The following ZFP14 variants were observed in gnomAD, a reference collection of about 807,000 sequenced individuals.
ZFP14 encodes zinc finger protein 14 homolog.
ZFP14 carries 22 observed loss-of-function variants against 54.5 expected under a neutral mutation model. The observed-to-expected ratio is 0.40, with a 90% CI of 0.29 to 0.58. The LOEUF (loss-of-function observed/expected upper bound fraction) is 0.58. Ranked by LOEUF, ZFP14 falls within the 20% of genes least tolerant of loss-of-function variation. The probability of loss-of-function intolerance (pLI) is 0.39; values close to 1 mark genes in which losing one functional copy is unlikely to be tolerated. For missense variants in ZFP14, 470 were observed against 637.8 expected (o/e 0.74, Z 2.83); for synonymous variants, 159 against 204.0 (o/e 0.78, Z 1.88).
intron 1 of ZFP14, among the ~76,000 whole-genome samples, chr19:36,373,133 C>T (rs565784250): frequency 6.6e-6 from 1 of 151,850 alleles, no homozygotes. Flanking sequence ...CAAAATTAGC[C>T]GGGCATGGTA....
intron 4 of ZFP14, among the ~76,000 whole-genome samples, chr19:36,343,305 A>G (rs775146513): frequency 2.0e-5 from 3 of 152,188 alleles, no homozygotes; most frequent in Non-Finnish European, 2.9e-5. Flanking sequence ...ATACCTGAGC[A>G]TAAATAATAA....
chr19:36,348,890 T>A (rs1317458457), intron 4 of ZFP14, among the ~76,000 whole-genome samples: 1 of 152,098 alleles, frequency 6.6e-6, no homozygotes, highest in Admixed American at 6.6e-5. Context: ...GTATTTTTTT[T>A]ATCAATGCTC....
intron 1 of ZFP14, among the ~76,000 whole-genome samples, chr19:36,377,602 CAGG>C (rs1299133429): frequency 6.6e-6 from 1 of 150,888 alleles, no homozygotes; most frequent in African/African-American, 2.4e-5. Context: ...AGCTTCTCTT[CAGG>C]AGGTTTACTT....
In ZFP14 at chr19:36,340,178, T is replaced by A. The variant is rs767035104; in HGVS notation, c.*46A>T. 8 of 1,478,650 alleles carry A rather than the reference T, an allele frequency of 5.4e-6. No homozygotes were observed. The African/African-American group carries it at 1.1e-4, about 21-fold the overall frequency. The allele number at this position is 1,478,650 out of a possible 1,614,324, so 91.6% of individuals were successfully genotyped here. ...GAAACACATTTTCTCAAAAATGAATTTTCTGATGTTCTGTAACATCATATA... is the reference window on the plus strand; with the variant it reads ...GAAACACATTTTCTCAAAAATGAATATTCTGATGTTCTGTAACATCATATA... On this transcript the variant is annotated 3_prime_UTR_variant, in exon 5 of 5. Coordinates refer to ENST00000270001, the MANE Select transcript of ZFP14 (RefSeq NM_020917.3). This position sits in a 1 kb window ranked among gnomAD's most constrained non-coding sequence, Gnocchi z 5.4.
At chr19:36,347,104 G>C (rs1271730926) in intron 4 of ZFP14, among the ~76,000 whole-genome samples, 4 of 152,144 alleles carry the variant, frequency 2.6e-5, no homozygotes, top group East Asian at 1.9e-4. Context: ...GCTGTGCTGA[G>C]AGCAATCAAA....
rs569998064 is a variant in ZFP14 at position 36,372,099 on chromosome 19, G to A, written c.-79-4128C>T. On this transcript the variant is annotated intron_variant, in intron 1 of 4. Coordinates refer to ENST00000270001, the MANE Select transcript of ZFP14 (RefSeq NM_020917.3). The stretch of plus-strand genomic sequence containing the variant: ...AGGGAGGGAGGTAGGGAGGAAAGGA[G>A]GAAGGAAGGAAGGAAGAAAGGAAGG... Among the ~76,000 whole-genome samples the A allele has an allele frequency of 3.3e-5, 5 of 149,674 alleles. No individual in the cohort carries two copies. In the South Asian group the frequency reaches 1.1e-3, roughly 32 times the overall value.
intron 4 of ZFP14, among the ~76,000 whole-genome samples, chr19:36,359,229 C>G (rs1437815370): frequency 6.6e-6 from 1 of 152,028 alleles, no homozygotes; most frequent in South Asian, 2.1e-4. Context: ...AGAAAGAAAT[C>G]CTAATCATCA....
rs1385666156 is a variant in ZFP14 at position 36,372,577 on chromosome 19, G to T, written c.-79-4606C>A. The stretch of plus-strand genomic sequence containing the variant: ...GAAATAAAAAATCTGAACAGGCTGG[G>T]CATGGTGGCTCATGCCTGTAACCCC... On this transcript the variant is annotated intron_variant, in intron 1 of 4. Transcript: ENST00000270001. 2.6e-5 allele frequency among the ~76,000 whole-genome samples: 4 copies of T among 152,252 alleles called. No homozygotes were observed. The South Asian group carries it at 6.2e-4, about 24-fold the overall frequency.
rs528516701 is a variant in ZFP14, at chr19:36,352,864, C to G, written c.235+7571G>C. Among the ~76,000 whole-genome samples, 38 of 140,196 alleles carry G rather than the reference C, an allele frequency of 2.7e-4. 3 individuals carry two copies. The highest frequency in any genetic ancestry group is 9.2e-4 in the African/African-American group (35 of 38,036). 92.0% of individuals were successfully genotyped at this position (140,196 alleles called of 152,430 possible). The stretch of plus-strand genomic sequence containing the variant: ...GCTGAGGCAGAAGAATGGCGTGAAC[C>G]CGGGAGGCGGAGCTTGCAGTGAGCC... On this transcript the variant is annotated intron_variant, in intron 4 of 4. Transcript: ENST00000270001.
rs1016865917 is a variant in ZFP14, at chr19:36,347,923, T to C, written c.236-6333A>G. On this transcript the variant is annotated intron_variant, in intron 4 of 4. Coordinates refer to ENST00000270001, the MANE Select transcript of ZFP14 (RefSeq NM_020917.3). Reference sequence around the variant, plus strand: ...AAACACAAAAATTAGCTGGGTGTGGTGGCACGTGCCTGTAACCCTAGCTAC... The same window carrying C: ...AAACACAAAAATTAGCTGGGTGTGGCGGCACGTGCCTGTAACCCTAGCTAC... Among the ~76,000 whole-genome samples the C allele has an allele frequency of 2.6e-5, 4 of 152,178 alleles. No homozygotes were observed. The South Asian group carries it at 8.3e-4, about 32-fold the overall frequency.
chr19:36,367,829 T>C lies in ZFP14; in HGVS notation c.9+55A>G, dbSNP rs1600083429. 22 of 1,591,824 alleles carry C rather than the reference T, an allele frequency of 1.4e-5. No homozygotes were observed. The East Asian group carries it at 4.7e-4, about 34-fold the overall frequency. On this transcript the variant is annotated intron_variant, in intron 2 of 4. Coordinates refer to ENST00000270001, the MANE Select transcript of ZFP14 (RefSeq NM_020917.3). ...TTTCAGAATAAAGAATGAATCTATA[T>C]ACATGATACAGAAATTGACAGTATT...
At chr19:36,377,546 T>TA (rs60132379) in intron 1 of ZFP14, among the ~76,000 whole-genome samples, 92,219 of 137,432 alleles carry the variant, frequency 0.67, 30,405 homozygotes, top group African/African-American at 0.69. Context: ...ACCCTGTCTC[T>TA]AAAAAAAAAA....
At chr19:36,364,689 A>C (rs571590166) in intron 2 of ZFP14, among the ~76,000 whole-genome samples, 1 of 152,298 alleles carries the variant, frequency 6.6e-6, no homozygotes, top group East Asian at 1.9e-4. Context: ...TAGGGTCTCA[A>C]CATACATAAA....
chr19:36,371,986 T>TAGAG (rs1555756813), intron 1 of ZFP14, among the ~76,000 whole-genome samples: 2 of 103,366 alleles, frequency 1.9e-5, no homozygotes, highest in African/African-American at 4.0e-5. Flanking sequence ...GAAGGAGGGA[T>TAGAG]GGAGGGAGGG....
chr19:36,343,804 C>A (rs1407679694), intron 4 of ZFP14, among the ~76,000 whole-genome samples: 1 of 152,084 alleles, frequency 6.6e-6, no homozygotes, highest in Non-Finnish European at 1.5e-5. Flanking sequence ...GTAATGGGGG[C>A]TGAGTGTGCT....
At chr19:36,342,106 C>A (rs1454384229) in intron 4 of ZFP14, among the ~76,000 whole-genome samples, 2 of 151,600 alleles carry the variant, frequency 1.3e-5, no homozygotes, top group African/African-American at 4.9e-5. Flanking sequence ...CCACCCACCT[C>A]GGCCTCCCAA....
In ZFP14 at chr19:36,334,991, C is replaced by T. The variant is rs183006655; in HGVS notation, c.*5233G>A. On this transcript the variant is annotated 3_prime_UTR_variant, in exon 5 of 5. Coordinates refer to ENST00000270001, the MANE Select transcript of ZFP14 (RefSeq NM_020917.3). Reference sequence around the variant, plus strand: ...CTGGGTTCAAGCAATTCTCCTGCCTCAGCCTCCCAAGTAGCTGGGATTACA... The same window carrying T: ...CTGGGTTCAAGCAATTCTCCTGCCTTAGCCTCCCAAGTAGCTGGGATTACA... The T allele has an allele frequency of 2.6e-5, 4 of 152,312 alleles. No individual in the cohort carries two copies. Among genetic ancestry groups the T allele is most frequent in the Non-Finnish European group, 5.9e-5 (4 of 68,042 alleles). The allele number at this position is 152,312 out of a possible 1,614,324, so 9.4% of individuals were successfully genotyped here.
chr19:36,341,315 C>G lies in ZFP14; in HGVS notation c.511G>C (p.Val171Leu). 2 of 1,614,186 alleles carry G rather than the reference C, an allele frequency of 1.2e-6. No individual in the cohort carries two copies. The highest frequency in any genetic ancestry group is 1.7e-6 in the Non-Finnish European group (2 of 1,180,046). ...TTCCTACACTCCTTACACTCATACA[C>G]CTTTTCTCCATTATGAACGATCTGA... ...EYQIVHNGEK[V>L]YECKECRKTF... The change falls in exon 5 of 5, where the codon GTG becomes CTG. Residue 171 changes from valine (V) to leucine (L), a missense_variant. Coordinates refer to ENST00000270001, the MANE Select transcript of ZFP14 (RefSeq NM_020917.3). This position sits in a 1 kb window ranked among gnomAD's most constrained non-coding sequence, Gnocchi z 4.2.
chr19:36,342,081 T>G (rs928134375), intron 4 of ZFP14, among the ~76,000 whole-genome samples: 12 of 151,478 alleles, frequency 7.9e-5, no homozygotes, highest in Non-Finnish European at 5.9e-5. Context: ...GGTATCGATC[T>G]CCTGACCTCG....
Sources: gnomAD v4.1 joint callset for allele counts (sites outside exome capture counted in the v4.1 genomes callset) on GRCh38, gnomAD v4.1.1 for gene constraint, Gnocchi (gnomAD v3.1) non-coding constraint, MANE v1.5 for transcripts, NCBI Gene and HGNC (gene_info 2026-07-23, HGNC 2026-07-21) for gene names.